PIGL: variants seen among roughly 807,000 people sequenced by gnomAD.
The protein encoded by PIGL is N-acetylglucosaminyl-phosphatidylinositol de-N-acetylase.
In PIGL, 22 loss-of-function variants were observed where a neutral mutation model predicts 31.1. That is an observed-to-expected ratio of 0.71 (90% CI 0.51 to 1.01). The LOEUF is 1.01. Among genes scored for constraint, PIGL ranks in the 50% least tolerant of loss-of-function variants. The probability of loss-of-function intolerance (pLI) is 0.00; values close to 1 mark genes in which losing one functional copy is unlikely to be tolerated. For synonymous variants in PIGL, 131 were observed against 117.4 expected, an observed-to-expected ratio of 1.12 and a Z score of -0.75; for missense variants, 302 against 315.9, an observed-to-expected ratio of 0.96 and a Z score of 0.33.
At chr17:16,321,472 T>C (rs922856840) in intron 6 of PIGL, among the ~76,000 whole-genome samples, 13 of 152,096 alleles carry the variant, frequency 8.5e-5, no homozygotes, top group South Asian at 6.2e-4. Context: ...ATTCCTGACC[T>C]CAGGTGATCC....
At chr17:16,225,716 T>C (rs1042034637) in intron 1 of PIGL, among the ~76,000 whole-genome samples, 9 of 152,076 alleles carry the variant, frequency 5.9e-5, no homozygotes, top group Non-Finnish European at 8.8e-5. Flanking sequence ...TGATTTACTT[T>C]AGCTTCAGCC....
chr17:16,247,402 A>G (rs563554450), intron 2 of PIGL, among the ~76,000 whole-genome samples: 1 of 152,200 alleles, frequency 6.6e-6, no homozygotes, highest in Non-Finnish European at 1.5e-5. Context: ...TAGCCTCACC[A>G]GCTGTGAACC....
intron 2 of PIGL, among the ~76,000 whole-genome samples, chr17:16,266,860 G>A (rs1241614788): frequency 7.1e-6 from 1 of 141,782 alleles, no homozygotes; most frequent in Admixed American, 7.0e-5. Flanking sequence ...GCCTCCCAAA[G>A]TGCTGGGATT....
chr17:16,264,713 G>C (rs2092834993), intron 2 of PIGL, among the ~76,000 whole-genome samples: 1 of 151,398 alleles, frequency 6.6e-6, no homozygotes, highest in African/African-American at 2.4e-5. Flanking sequence ...GCTCACTGCA[G>C]GTTACTCACT....
intron 3 of PIGL, among the ~76,000 whole-genome samples, chr17:16,309,493 T>G (rs1192501214): frequency 1.3e-5 from 2 of 152,146 alleles, no homozygotes; most frequent in African/African-American, 4.8e-5. Context: ...CCGGGCACGG[T>G]GGCTCACACC....
intron 2 of PIGL, among the ~76,000 whole-genome samples, chr17:16,256,988 G>T (rs1291313732): frequency 6.6e-6 from 1 of 152,168 alleles, no homozygotes; most frequent in African/African-American, 2.4e-5. Context: ...ATGCCAGCCA[G>T]TCTCTTTTTA....
At chr17:16,288,426 T>C (rs149818643) in intron 2 of PIGL, among the ~76,000 whole-genome samples, 1,659 of 152,312 alleles carry the variant, frequency 0.011, 40 homozygotes, top group African/African-American at 0.037. Context: ...AGACTGGTCT[T>C]GAACTCCTGA....
At chr17:16,295,725 C>T (rs1359602315) in intron 2 of PIGL, among the ~76,000 whole-genome samples, 3 of 151,698 alleles carry the variant, frequency 2.0e-5, no homozygotes, top group South Asian at 2.1e-4. Flanking sequence ...GGGTGGATCA[C>T]GAGGTCAGGA....
At chr17:16,315,708 C>CTTTTTTTTTTTTTTTTT (rs1157169209) in intron 4 of PIGL, among the ~76,000 whole-genome samples, 35 of 58,990 alleles carry the variant, frequency 5.9e-4, no homozygotes, top group East Asian at 1.9e-3. Flanking sequence ...TTCTTTCTTT[C>CTTTTTTTTTTTTTTTTT]TTTTTTTTTT....
chr17:16,284,977 T>C (rs372584421), intron 2 of PIGL, among the ~76,000 whole-genome samples: 34 of 152,278 alleles, frequency 2.2e-4, no homozygotes, highest in African/African-American at 8.2e-4. Flanking sequence ...AGATAGCAAA[T>C]TGGCAATTAA....
intron 3 of PIGL, among the ~76,000 whole-genome samples, chr17:16,302,300 T>C (rs2093008149): frequency 1.3e-5 from 2 of 152,116 alleles, no homozygotes; most frequent in African/African-American, 2.4e-5. Context: ...AAAGCGGTAA[T>C]GTTAGATCCA....
At chr17:16,228,559 T>G (rs2092663825) in intron 1 of PIGL, among the ~76,000 whole-genome samples, 1 of 150,808 alleles carries the variant, frequency 6.6e-6, no homozygotes, top group Admixed American at 6.6e-5. Context: ...CGGCTAATTT[T>G]TTGTATTTTT....
At chr17:16,229,858 A>AGTTT (rs2092670683) in intron 1 of PIGL, among the ~76,000 whole-genome samples, 2 of 97,700 alleles carry the variant, frequency 2.0e-5, no homozygotes, top group African/African-American at 8.5e-5. Flanking sequence ...TAAAGTCATG[A>AGTTT]TTTTTTTTTT....
intron 6 of PIGL, among the ~76,000 whole-genome samples, chr17:16,320,934 C>CCTT (rs1568848787): frequency 8.2e-6 from 1 of 121,412 alleles, no homozygotes. Context: ...TGTGCCTGGC[C>CCTT]ATTTTTTTTT....
chr17:16,226,174 A>G (rs1322454426), intron 1 of PIGL, among the ~76,000 whole-genome samples: 1 of 152,124 alleles, frequency 6.6e-6, no homozygotes. Flanking sequence ...CAACAACAAG[A>G]AAAACCAATC....
At chr17:16,324,311 C>A (rs112554658) in intron 6 of PIGL, 7 of 151,432 alleles carry the variant, frequency 4.6e-5, no homozygotes, top group African/African-American at 1.7e-4. Context: ...AATGGTTTTC[C>A]CTTTATCTTC....
At chr17:16,278,126 G>C (rs2092903110) in intron 2 of PIGL, among the ~76,000 whole-genome samples, 1 of 151,436 alleles carries the variant, frequency 6.6e-6, no homozygotes, top group African/African-American at 2.4e-5. Context: ...CGTGATCCCA[G>C]CTCACCGCAA....
chr17:16,261,749 G>A (rs780134241), intron 2 of PIGL, among the ~76,000 whole-genome samples: 14 of 151,700 alleles, frequency 9.2e-5, no homozygotes, highest in African/African-American at 2.4e-4. Flanking sequence ...CTACAAGTGC[G>A]CACCACCATG....
At chr17:16,265,078 G>A (rs886417374) in intron 2 of PIGL, among the ~76,000 whole-genome samples, 8 of 152,154 alleles carry the variant, frequency 5.3e-5, no homozygotes, top group African/African-American at 1.9e-4. Context: ...TCAGCCAACT[G>A]GCTGCAGAGT....
Sources: allele counts gnomAD v4.1 joint callset (sites outside exome capture counted in the v4.1 genomes callset), GRCh38; gene constraint gnomAD v4.1.1; transcripts MANE v1.5; gene names NCBI Gene and HGNC (gene_info 2026-07-23, HGNC 2026-07-21).